The following SLC16A2 variants were observed in gnomAD, a reference collection of about 807,000 sequenced individuals.
The protein encoded by SLC16A2 is solute carrier family 16 member 2, also known as monocarboxylate transporter 8.
A neutral mutation model predicts 27.2 loss-of-function variants in SLC16A2; 3 were observed. The observed-to-expected ratio is 0.11, with a 90% CI of 0.05 to 0.28. SLC16A2 has a LOEUF of 0.28. SLC16A2 is among the 10% of genes least tolerant of loss of function. The probability of loss-of-function intolerance (pLI) is 1.00; values close to 1 mark genes in which losing one functional copy is unlikely to be tolerated. For missense variants in SLC16A2, 295 were observed against 458.5 expected (o/e 0.64, Z 3.26); for synonymous variants, 202 against 187.8 (o/e 1.08, Z -0.62).
At chrX:74,473,941 C>A in intron 1 of SLC16A2, 1 of 374,503 alleles carries the variant, frequency 2.7e-6, no homozygotes, top group Non-Finnish European at 4.8e-6. Flanking sequence ...TTAGGAGATG[C>A]TGACTTAGAC....
rs760430807 is a variant in SLC16A2, at chrX:74,457,898, T to G, written c.430+35831T>G. Among the ~76,000 whole-genome samples, 348 of 111,899 alleles carry G rather than the reference T, an allele frequency of 3.1e-3. 1 individual carries two copies. Among genetic ancestry groups the G allele is most frequent in the African/African-American group, 0.011 (326 of 30,823 alleles). Reference sequence around the variant, plus strand: ...GCTGTTCAGCATTTTGCCTCTTGTCTTGCTGGCTATGGGCCCATAGTTAAT... The same window carrying G: ...GCTGTTCAGCATTTTGCCTCTTGTCGTGCTGGCTATGGGCCCATAGTTAAT... On this transcript the variant is annotated intron_variant, in intron 1 of 5. Transcript: ENST00000587091.
chrX:74,478,095 T>C (rs1365740404), intron 1 of SLC16A2, among the ~76,000 whole-genome samples: 1 of 111,708 alleles, frequency 9.0e-6, no homozygotes, highest in Non-Finnish European at 1.9e-5. Context: ...GGTGTTAAAG[T>C]CTCCCCTTGT....
chrX:74,441,300 C>T (rs1928744293), intron 1 of SLC16A2, among the ~76,000 whole-genome samples: 1 of 111,344 alleles, frequency 9.0e-6, no homozygotes, highest in Non-Finnish European at 1.9e-5. Context: ...TCAAGGTAAT[C>T]CACCTGCCTT....
intron 1 of SLC16A2, among the ~76,000 whole-genome samples, chrX:74,502,842 T>A (rs1458286027): frequency 9.0e-6 from 1 of 110,897 alleles, no homozygotes; most frequent in Non-Finnish European, 1.9e-5. Context: ...ATTACCCACA[T>A]GGTGCAGATG....
chrX:74,428,709 A>G (rs1361307319), intron 1 of SLC16A2, among the ~76,000 whole-genome samples: 18 of 111,110 alleles, frequency 1.6e-4, no homozygotes. Context: ...TGTGGAAGCC[A>G]TCACCTCTGG....
intron 1 of SLC16A2, among the ~76,000 whole-genome samples, chrX:74,424,861 T>C (rs770696242): frequency 1.8e-5 from 2 of 111,218 alleles, no homozygotes; most frequent in Non-Finnish European, 3.8e-5. Context: ...AGGTAGTTTC[T>C]TATACTTTAT....
At chrX:74,477,135 T>C (rs1053557880) in intron 1 of SLC16A2, 15 of 112,123 alleles carry the variant, frequency 1.3e-4, no homozygotes, top group Non-Finnish European at 2.4e-4. Flanking sequence ...GGTAAGCTAT[T>C]AATTATTGCC....
intron 1 of SLC16A2, among the ~76,000 whole-genome samples, chrX:74,444,887 G>A (rs1269221238): frequency 8.9e-6 from 1 of 111,962 alleles, no homozygotes; most frequent in East Asian, 2.8e-4. Context: ...ATCTGCTTCT[G>A]TAATGTCTAT....
intron 1 of SLC16A2, among the ~76,000 whole-genome samples, chrX:74,428,157 C>A (rs1375197234): frequency 9.0e-6 from 1 of 111,236 alleles, no homozygotes; most frequent in African/African-American, 3.3e-5. Flanking sequence ...CGGGTTTAGG[C>A]AACCCCAGCT....
At chrX:74,455,736 G>T (rs1447964942) in intron 1 of SLC16A2, among the ~76,000 whole-genome samples, 1 of 111,723 alleles carries the variant, frequency 9.0e-6, no homozygotes, top group Non-Finnish European at 1.9e-5. Context: ...GCAGTCAGTA[G>T]TAGTTCTGTG....
intron 1 of SLC16A2, among the ~76,000 whole-genome samples, chrX:74,467,746 G>T (rs1246942147): frequency 9.0e-6 from 1 of 111,469 alleles, no homozygotes; most frequent in Non-Finnish European, 1.9e-5. Context: ...CAGACTGATT[G>T]TTGTCAGGCA....
intron 1 of SLC16A2, among the ~76,000 whole-genome samples, chrX:74,422,427 T>C (rs1928323402): frequency 9.4e-6 from 1 of 106,096 alleles, no homozygotes; most frequent in Admixed American, 1.0e-4. Context: ...TTGCAGGACT[T>C]TTTTTTTTTT....
chrX:74,423,950 G>A (rs1051826290), intron 1 of SLC16A2, among the ~76,000 whole-genome samples: 3 of 111,220 alleles, frequency 2.7e-5, no homozygotes, highest in Non-Finnish European at 5.7e-5. Context: ...TCTTAGGAGT[G>A]TATAATAAAA....
At chrX:74,453,082 C>T (rs896151466) in intron 1 of SLC16A2, among the ~76,000 whole-genome samples, 70 of 105,422 alleles carry the variant, frequency 6.6e-4, no homozygotes, top group Non-Finnish European at 1.0e-3. Context: ...GGGTCTCGCT[C>T]TGCCACCCAG....
chrX:74,517,009 G>T (rs137973749), intron 1 of SLC16A2, among the ~76,000 whole-genome samples: 45 of 112,024 alleles, frequency 4.0e-4, no homozygotes, highest in South Asian at 1.5e-3. Flanking sequence ...GTTATGGGTC[G>T]TGGGGGAGTG....
intron 1 of SLC16A2, among the ~76,000 whole-genome samples, chrX:74,433,530 C>T (rs1569283525): frequency 9.0e-6 from 1 of 111,044 alleles, no homozygotes; most frequent in Non-Finnish European, 1.9e-5. Flanking sequence ...GTCTAGTGAT[C>T]CCCAATGTCG....
At chrX:74,515,300 A>G (rs753760131) in intron 1 of SLC16A2, among the ~76,000 whole-genome samples, 2 of 111,587 alleles carry the variant, frequency 1.8e-5, no homozygotes, top group Non-Finnish European at 3.8e-5. Flanking sequence ...GAGAGAAGAC[A>G]GAAGAAGGAA....
At position 74,478,621 on chromosome X, in the gene SLC16A2, C is replaced by T. The variant is rs1012054904; in HGVS notation, c.431-42369C>T. Reference sequence around the variant, plus strand: ...GGCATGTTTTTGCAGTGGCTGGTACCGGTCGTTCCTTTCCATGTTGAGTGC... The same window carrying T: ...GGCATGTTTTTGCAGTGGCTGGTACTGGTCGTTCCTTTCCATGTTGAGTGC... On this transcript the variant is annotated intron_variant, in intron 1 of 5. Coordinates refer to ENST00000587091, the MANE Select transcript of SLC16A2 (RefSeq NM_006517.5). Among the ~76,000 whole-genome samples the T allele has an allele frequency of 6.3e-5, 7 of 111,393 alleles. No homozygotes were observed. The East Asian group carries it at 8.4e-4, about 13-fold the overall frequency.
intron 1 of SLC16A2, among the ~76,000 whole-genome samples, chrX:74,480,748 T>C (rs767247751): frequency 8.9e-6 from 1 of 112,472 alleles, no homozygotes; most frequent in East Asian, 2.8e-4. Flanking sequence ...CTAAATGTCC[T>C]GGCTGAAACC....
Sources: gnomAD v4.1 joint callset for allele counts (sites outside exome capture counted in the v4.1 genomes callset) on GRCh38, gnomAD v4.1.1 for gene constraint, MANE v1.5 for transcripts, NCBI Gene and HGNC (gene_info 2026-07-23, HGNC 2026-07-21) for gene names.